Variants in RPH3A observed in about 807,000 individuals in gnomAD.
RPH3A encodes the protein rabphilin 3A, also known as rabphilin-3A.
A neutral mutation model predicts 102.2 loss-of-function variants in RPH3A; 48 were observed. That is an observed-to-expected ratio of 0.47 (90% confidence interval 0.37 to 0.60). RPH3A has a LOEUF of 0.60. Among genes scored for constraint, RPH3A ranks in the 20% least tolerant of loss-of-function variants. The pLI, the probability that RPH3A is intolerant of heterozygous loss-of-function variation, is 0.00. For synonymous variants in RPH3A, 310 were observed against 324.3 expected (o/e 0.96, Z 0.47); for missense variants, 781 against 910.1 (o/e 0.86, Z 1.83).
intron 1 of RPH3A, among the ~76,000 whole-genome samples, chr12:112,733,745 G>A (rs1243266762): frequency 6.6e-6 from 1 of 152,180 alleles, no homozygotes; most frequent in Non-Finnish European, 1.5e-5. Flanking sequence ...GCCAAGTGAG[G>A]ATTAAAGACA....
intron 3 of RPH3A, among the ~76,000 whole-genome samples, chr12:112,832,919 C>A (rs1361015706): frequency 2.1e-5 from 3 of 146,006 alleles, no homozygotes; most frequent in South Asian, 4.4e-4. Context: ...AAGTTAAACA[C>A]ATTTCAATTA....
chr12:112,884,061 A>G (rs2136251672), intron 16 of RPH3A, among the ~76,000 whole-genome samples: 1 of 152,268 alleles, frequency 6.6e-6, no homozygotes, highest in East Asian at 1.9e-4. Flanking sequence ...ATATCTCAGT[A>G]TTACAGCCAT....
rs191102377 is a variant in RPH3A at position 112,713,095 on chromosome 12, T to C, written c.-139-79048T>C. Among the ~76,000 whole-genome samples, 17 of 139,650 alleles carry C rather than the reference T, an allele frequency of 1.2e-4. 1 individual carries two copies. Among genetic ancestry groups the C allele is most frequent in the Admixed American group, 1.1e-3 (14 of 12,986 alleles). The allele number at this position is 139,650 out of a possible 152,430, so 91.6% of individuals were successfully genotyped here. On this transcript the variant is annotated intron_variant, in intron 1 of 21. Coordinates refer to the RPH3A transcript ENST00000543106. ...CTTCTTCTTCTTCTTCTTCTTCTTCTTCTTCTTTTATTTTTTTGTAGAGAA... is the reference window on the plus strand; with the variant it reads ...CTTCTTCTTCTTCTTCTTCTTCTTCCTCTTCTTTTATTTTTTTGTAGAGAA...
chr12:112,627,066 G>A (rs980450698), intron 1 of RPH3A, among the ~76,000 whole-genome samples: 1 of 112,868 alleles, frequency 8.9e-6, no homozygotes, highest in South Asian at 3.5e-4. Context: ...TGGTGGGGTG[G>A]GGGGAGGGGG....
chr12:112,700,379 GAGA>G (rs2040384784), intron 1 of RPH3A, among the ~76,000 whole-genome samples: 1 of 152,220 alleles, frequency 6.6e-6, no homozygotes, highest in African/African-American at 2.4e-5. Context: ...ATTGGTGAGA[GAGA>G]AGAATTTTTG....
chr12:112,821,818 T>C (rs1356990982), intron 2 of RPH3A, among the ~76,000 whole-genome samples: 4 of 152,354 alleles, frequency 2.6e-5, no homozygotes, highest in Non-Finnish European at 4.4e-5. Context: ...TTTGTTTTAA[T>C]GTTATATCCC....
intron 19 of RPH3A, chr12:112,894,373 T>C: frequency 1.7e-6 from 1 of 594,968 alleles, no homozygotes; most frequent in Non-Finnish European, 2.9e-6. Context: ...CTGCCTAGGG[T>C]CATGTGGGGA....
chr12:112,859,397 T>A, intron 5 of RPH3A, among the ~76,000 whole-genome samples: 1 of 152,206 alleles, frequency 6.6e-6, no homozygotes, highest in East Asian at 1.9e-4. Flanking sequence ...AAATAATACA[T>A]GTTCATTTTA....
At chr12:112,594,925 A>G (rs2039506170) in intron 1 of RPH3A, among the ~76,000 whole-genome samples, 1 of 152,150 alleles carries the variant, frequency 6.6e-6, no homozygotes, top group Non-Finnish European at 1.5e-5. Context: ...AACTCTAGAG[A>G]GCATTACTCA....
intron 8 of RPH3A, 72 bp downstream of exon 8, chr12:112,868,667 C>G: frequency 6.6e-7 from 1 of 1,507,508 alleles, no homozygotes; most frequent in Non-Finnish European, 9.0e-7. Flanking sequence ...GAGGGATGGC[C>G]TGACATCATG....
At chr12:112,814,805 G>T (rs138018842) in intron 2 of RPH3A, among the ~76,000 whole-genome samples, 30 of 152,262 alleles carry the variant, frequency 2.0e-4, no homozygotes, top group African/African-American at 6.7e-4. Flanking sequence ...CTGAAGACTG[G>T]TGCTGTTCAT....
At chr12:112,590,715 A>G (rs2039470684) in intron 1 of RPH3A, among the ~76,000 whole-genome samples, 1 of 152,258 alleles carries the variant, frequency 6.6e-6, no homozygotes, top group African/African-American at 2.4e-5. Flanking sequence ...AAAATTGAGA[A>G]GTCTCATGTA....
At chr12:112,815,012 T>G (rs1441857027) in intron 2 of RPH3A, among the ~76,000 whole-genome samples, 2 of 152,180 alleles carry the variant, frequency 1.3e-5, no homozygotes, top group East Asian at 3.9e-4. Context: ...TGTAAGTGGA[T>G]GCGGGAGAGA....
At chr12:112,689,230 A>G (rs1022882908) in intron 1 of RPH3A, among the ~76,000 whole-genome samples, 4 of 152,202 alleles carry the variant, frequency 2.6e-5, no homozygotes, top group African/African-American at 4.8e-5. Flanking sequence ...TGGAATTGGG[A>G]GACAATAGGG....
chr12:112,843,409 G>T (rs746800271), intron 4 of RPH3A, among the ~76,000 whole-genome samples: 1 of 152,192 alleles, frequency 6.6e-6, no homozygotes. Context: ...GAGGATGGGG[G>T]AAGGGTTTGG....
intron 2 of RPH3A, among the ~76,000 whole-genome samples, chr12:112,813,145 G>T (rs2041609774): frequency 6.6e-6 from 1 of 152,194 alleles, no homozygotes; most frequent in Admixed American, 6.5e-5. Context: ...ACTAGAAAGA[G>T]GCAGAGTGGG....
chr12:112,577,391 A>T (rs371860711), intron 1 of RPH3A, among the ~76,000 whole-genome samples: 1 of 152,190 alleles, frequency 6.6e-6, no homozygotes, highest in Non-Finnish European at 1.5e-5. Context: ...TGTAACTGTC[A>T]TGCTGCCGGT....
At chr12:112,807,878 C>T (rs371051638) in intron 2 of RPH3A, among the ~76,000 whole-genome samples, 22 of 152,236 alleles carry the variant, frequency 1.4e-4, no homozygotes, top group African/African-American at 2.6e-4. Context: ...CACTTGGCAC[C>T]GTGTACCTGC....
intron 3 of RPH3A, among the ~76,000 whole-genome samples, chr12:112,835,969 A>G (rs2044137901): frequency 6.6e-6 from 1 of 152,190 alleles, no homozygotes; most frequent in African/African-American, 2.4e-5. Context: ...CCAGACATGG[A>G]AGGAGGAAAC....
Sources: allele counts gnomAD v4.1 joint callset (sites outside exome capture counted in the v4.1 genomes callset), GRCh38; gene constraint gnomAD v4.1.1; transcripts MANE v1.5; gene names NCBI Gene and HGNC (gene_info 2026-07-23, HGNC 2026-07-21).